LRMDA: variants seen among roughly 807,000 people sequenced by gnomAD.
The protein encoded by LRMDA is leucine rich melanocyte differentiation associated.
LRMDA carries 18 observed loss-of-function variants against 29.8 expected under a neutral mutation model. The ratio of observed to expected loss-of-function variants is 0.60; its 90% CI spans 0.42 to 0.90. The LOEUF is 0.90. Among genes scored for constraint, LRMDA ranks in the 40% least tolerant of loss-of-function variants. The pLI is 0.00. For synonymous variants in LRMDA, 125 were observed against 109.4 expected, an observed-to-expected ratio of 1.14 and a Z score of -0.89; for missense variants, 273 against 273.9, an observed-to-expected ratio of 1.00 and a Z score of 0.02.
At chr10:76,147,279 T>C (rs1440552343) in intron 5 of LRMDA, among the ~76,000 whole-genome samples, 2 of 152,142 alleles carry the variant, frequency 1.3e-5, no homozygotes, top group African/African-American at 4.8e-5. Context: ...CTGCAGAGTG[T>C]TTTCCAACTT....
intron 5 of LRMDA, among the ~76,000 whole-genome samples, chr10:76,229,527 T>C (rs1852021503): frequency 6.6e-6 from 1 of 152,146 alleles, no homozygotes; most frequent in South Asian, 2.1e-4. Context: ...TGCAAGACAA[T>C]TGCATTCCTT....
intron 6 of LRMDA, among the ~76,000 whole-genome samples, chr10:76,446,464 C>A (rs889236805): frequency 6.6e-6 from 1 of 152,032 alleles, no homozygotes; most frequent in African/African-American, 2.4e-5. Flanking sequence ...GTCATTATTC[C>A]CTAATAATGA....
chr10:75,989,918 G>A (rs1015848275), intron 2 of LRMDA, among the ~76,000 whole-genome samples: 3 of 152,126 alleles, frequency 2.0e-5, no homozygotes, highest in Admixed American at 2.0e-4. Context: ...CTAGGTAAAC[G>A]AGTGTCATGG....
intron 6 of LRMDA, among the ~76,000 whole-genome samples, chr10:76,360,437 A>C (rs1350728003): frequency 6.6e-6 from 1 of 152,170 alleles, no homozygotes. Context: ...AAGTAGAGAC[A>C]GGATGATTAA....
intron 6 of LRMDA, among the ~76,000 whole-genome samples, chr10:76,487,176 C>A (rs973893975): frequency 1.3e-5 from 2 of 151,888 alleles, no homozygotes; most frequent in Non-Finnish European, 2.9e-5. Flanking sequence ...TAGGCCTTAA[C>A]TTTGGCTCTT....
In LRMDA at chr10:76,412,541, T is replaced by C. The variant is rs148541521; in HGVS notation, c.601+88056T>C. On this transcript the variant is annotated intron_variant, in intron 6 of 6. Coordinates refer to ENST00000611255, the MANE Select transcript of LRMDA (RefSeq NM_001305581.2). ...AGTTCATCTCCTTTCTCTGGGGGAC[T>C]CTGCCCTTTCTAGGTGAGATGATGG... Among the ~76,000 whole-genome samples, 53 of 152,326 alleles carry C rather than the reference T, an allele frequency of 3.5e-4. No homozygotes were observed. The East Asian group carries it at 0.01, about 29-fold the overall frequency.
At chr10:75,938,809 G>A (rs898167207) in intron 2 of LRMDA, among the ~76,000 whole-genome samples, 3 of 152,192 alleles carry the variant, frequency 2.0e-5, no homozygotes, top group Non-Finnish European at 4.4e-5. Context: ...AATATTGTTT[G>A]TCTGAGGTTA....
intron 2 of LRMDA, among the ~76,000 whole-genome samples, chr10:75,884,868 C>T (rs895528665): frequency 2.6e-5 from 4 of 152,222 alleles, no homozygotes; most frequent in Non-Finnish European, 5.9e-5. Context: ...GGGAGGACAG[C>T]AGTTGGGCAG....
chr10:75,915,493 G>A (rs931360772), intron 2 of LRMDA, among the ~76,000 whole-genome samples: 1 of 152,144 alleles, frequency 6.6e-6, no homozygotes, highest in African/African-American at 2.4e-5. Context: ...TCCTGCCTCA[G>A]CCTCCTAGAG....
chr10:76,526,883 T>G (rs905467382), intron 6 of LRMDA, among the ~76,000 whole-genome samples: 35 of 149,148 alleles, frequency 2.3e-4, no homozygotes, highest in African/African-American at 7.9e-4. Flanking sequence ...TAATGCTAGA[T>G]GACGAGTTAG....
intron 2 of LRMDA, among the ~76,000 whole-genome samples, chr10:75,978,373 G>T (rs1383981374): frequency 2.0e-5 from 3 of 152,114 alleles, no homozygotes; most frequent in African/African-American, 7.2e-5. Context: ...GTCATTCTGT[G>T]CGCATTCCTC....
chr10:76,266,121 C>G lies in LRMDA; in HGVS notation c.517-58280C>G, dbSNP rs543478924. On this transcript the variant is annotated intron_variant, in intron 5 of 6. Transcript: ENST00000611255. ...AAAATGAGATACTAAGAGTACTTACCTCATAGAGTTGTTGGGAGGATTAAC... is the reference window on the plus strand; with the variant it reads ...AAAATGAGATACTAAGAGTACTTACGTCATAGAGTTGTTGGGAGGATTAAC... Among the ~76,000 whole-genome samples, 122 of 152,114 alleles carry G rather than the reference C, an allele frequency of 8.0e-4. 2 individuals carry two copies. The highest frequency in any genetic ancestry group is 3.4e-3 in the Middle Eastern group (1 of 294).
intron 5 of LRMDA, among the ~76,000 whole-genome samples, chr10:76,257,834 G>A (rs985284560): frequency 1.2e-4 from 18 of 152,274 alleles, no homozygotes; most frequent in African/African-American, 4.3e-4. Context: ...GGACTGACTT[G>A]GTTGGGGCTG....
chr10:76,472,779 G>T (rs536063585), intron 6 of LRMDA, among the ~76,000 whole-genome samples: 1 of 151,424 alleles, frequency 6.6e-6, no homozygotes, highest in Non-Finnish European at 1.5e-5. Context: ...TAGATAACTT[G>T]GATGAAATGG....
At chr10:75,446,651 T>C (rs1037767817) in intron 2 of LRMDA, among the ~76,000 whole-genome samples, 5 of 152,224 alleles carry the variant, frequency 3.3e-5, no homozygotes, top group African/African-American at 1.2e-4. Flanking sequence ...GAATGAGAAA[T>C]ACATCTGTGT....
At chr10:76,096,111 T>C (rs1849307922) in intron 5 of LRMDA, among the ~76,000 whole-genome samples, 1 of 152,186 alleles carries the variant, frequency 6.6e-6, no homozygotes, top group Admixed American at 6.5e-5. Context: ...GAGCAAAAGT[T>C]TTAAAGTTTG....
intron 2 of LRMDA, among the ~76,000 whole-genome samples, chr10:75,585,637 G>A (rs1840647047): frequency 6.6e-6 from 1 of 152,066 alleles, no homozygotes; most frequent in South Asian, 2.1e-4. Context: ...CATACACTTG[G>A]CACTATTTAT....
intron 2 of LRMDA, among the ~76,000 whole-genome samples, chr10:75,634,858 C>G (rs988669278): frequency 6.6e-6 from 1 of 151,884 alleles, no homozygotes; most frequent in Non-Finnish European, 1.5e-5. Flanking sequence ...ACAACAAATA[C>G]CTACAAATTC....
chr10:76,455,546 C>T (rs1202941471), intron 6 of LRMDA, among the ~76,000 whole-genome samples: 1 of 152,124 alleles, frequency 6.6e-6, no homozygotes, highest in Non-Finnish European at 1.5e-5. Flanking sequence ...CCTTAGTCAG[C>T]TTAGGGTAAC....
Sources: gnomAD v4.1 joint callset for allele counts (sites outside exome capture counted in the v4.1 genomes callset) on GRCh38, gnomAD v4.1.1 for gene constraint, MANE v1.5 for transcripts, NCBI Gene and HGNC (gene_info 2026-07-23, HGNC 2026-07-21) for gene names.